CIZ1: variants seen among roughly 807,000 people sequenced by gnomAD.
CIZ1 encodes the protein cip1-interacting zinc finger protein.
In CIZ1, 58 loss-of-function variants were observed where a neutral mutation model predicts 118.6. The observed-to-expected ratio is 0.49, with a 90% CI of 0.40 to 0.61. CIZ1 has a LOEUF of 0.61. Ranked by LOEUF, CIZ1 falls within the 20% of genes least tolerant of loss-of-function variation. The pLI is 0.00. For synonymous variants in CIZ1, 448 were observed against 443.4 expected (o/e 1.01, Z -0.13); for missense variants, 921 against 1,115.9 (o/e 0.83, Z 2.49).
chr9:128,192,926 C>A (rs1833257975), upstream of CIZ1, among the ~76,000 whole-genome samples: 1 of 152,192 alleles, frequency 6.6e-6, no homozygotes, highest in African/African-American at 2.4e-5. Flanking sequence ...CTGCCTTCCG[C>A]GCCGACGTTG....
At chr9:128,199,911 C>T (rs1457187845) in intron 1 of CIZ1, 2 of 151,414 alleles carry the variant, frequency 1.3e-5, no homozygotes. Context: ...ACCTCAGCCT[C>T]TCGAGTACCT....
chr9:128,179,534 A>G (rs1490099929), intron 7 of CIZ1, 119 bp from the exon 8 acceptor site: 7 of 820,230 alleles, frequency 8.5e-6, no homozygotes, highest in Non-Finnish European at 1.1e-5. Flanking sequence ...GCACTTTGGG[A>G]GGCTGAGGCA....
At chr9:128,167,896 C>T (rs146203037) in intron 14 of CIZ1, among the ~76,000 whole-genome samples, 1 of 152,322 alleles carries the variant, frequency 6.6e-6, no homozygotes, top group East Asian at 1.9e-4. Flanking sequence ...AGTCCAAGTT[C>T]AGGTTGTTAC....
In CIZ1 at chr9:128,187,250, C is replaced by T. The variant is rs45516393; in HGVS notation, c.358+613G>A. ...GCCACCACATCCAGCTCCTTATCTG[C>T]TTTCTGCTTCACATCATCTAACTCA... is the stretch of plus-strand genomic sequence containing the variant. On this transcript the variant is annotated intron_variant, in intron 4 of 16. Transcript: ENST00000372938. Among the ~76,000 whole-genome samples, 661 of 152,290 alleles carry T rather than the reference C, an allele frequency of 4.3e-3. 5 individuals carry two copies. Among genetic ancestry groups the T allele is most frequent in the Middle Eastern group, 0.017 (5 of 294 alleles).
chr9:128,191,510 G>T lies in CIZ1; in HGVS notation c.-84C>A. 9.9e-7 allele frequency: 1 copy of T among 1,006,060 alleles called. No individual in the cohort carries two copies. Among genetic ancestry groups the T allele is most frequent in the African/African-American group, 1.7e-5 (1 of 58,168 alleles). 62.3% of individuals were successfully genotyped at this position (1,006,060 alleles called of 1,614,324 possible). A position where few individuals can be genotyped will look rare whatever the true frequency, so the allele number is the denominator to read the frequency against. On this transcript the variant is annotated 5_prime_UTR_variant, in exon 1 of 17. Transcript: ENST00000372938. This position sits in a 1 kb window ranked among gnomAD's most constrained non-coding sequence, Gnocchi z 5.5. ...CCCGCAGCCCCCACGCCTCGGCCGG[G>T]CGGCTCCGGCCCGCGGGCTCCCGGC...
chr9:128,187,846 T>A lies in CIZ1; in HGVS notation c.358+17A>T, dbSNP rs551622194. 2.9e-5 allele frequency: 19 copies of A among 655,430 alleles called. No homozygotes were observed. The Admixed American group carries it at 3.6e-4, about 13-fold the overall frequency. 40.6% of individuals were successfully genotyped at this position (655,430 alleles called of 1,614,324 possible). ...GTATATATACATTTATATATATATATAAAAAGCATATAATACCCAGTGTTG... is the reference window on the plus strand; with the variant it reads ...GTATATATACATTTATATATATATAAAAAAAGCATATAATACCCAGTGTTG... On this transcript the variant is annotated intron_variant, in intron 4 of 16. Coordinates refer to ENST00000372938, the MANE Select transcript of CIZ1 (RefSeq NM_001131016.2).
upstream of CIZ1, chr9:128,191,945 C>A: frequency 7.1e-7 from 1 of 1,415,328 alleles, no homozygotes; most frequent in Non-Finnish European, 9.3e-7. The surrounding 1 kb of genome is among the most constrained non-coding windows in gnomAD (Gnocchi z 5.5). Flanking sequence ...TACATTCATT[C>A]GAGGGACCCA....
At chr9:128,191,945 C>G (rs1156246354), upstream of CIZ1, 30 of 1,415,210 alleles carry the variant, frequency 2.1e-5, no homozygotes, top group Non-Finnish European at 2.6e-5. This position sits in a 1 kb window ranked among gnomAD's most constrained non-coding sequence, Gnocchi z 5.5. Context: ...TACATTCATT[C>G]GAGGGACCCA....
chr9:128,178,699 G>A lies in CIZ1; in HGVS notation c.1498+10C>T. 2 of 1,608,392 alleles carry A rather than the reference G, an allele frequency of 1.2e-6. No homozygotes were observed. The highest frequency in any genetic ancestry group is 2.2e-5 in the South Asian group (2 of 90,648). On this transcript the variant is annotated intron_variant, in intron 8 of 16. Coordinates refer to ENST00000372938, the MANE Select transcript of CIZ1 (RefSeq NM_001131016.2). ...ATCACCAGACCAGCTGGGAGCCAGT[G>A]CTCACTTACCTCCACCAGCTTCTAC...
upstream of CIZ1, among the ~76,000 whole-genome samples, chr9:128,192,366 C>CAAA (rs57931082): frequency 5.0e-4 from 70 of 139,506 alleles, no homozygotes; most frequent in African/African-American, 1.5e-3. Context: ...CAAGAGCTGT[C>CAAA]AAAAAAAAAA....
chr9:128,202,788 T>C (rs1050381155), intron 1 of CIZ1: 1 of 152,258 alleles, frequency 6.6e-6, no homozygotes, highest in Non-Finnish European at 1.5e-5. Flanking sequence ...TCTCCCCAGC[T>C]TGATGCAAGA....
chr9:128,169,943 A>T, intron 12 of CIZ1, 77 bp downstream of exon 12: 1 of 1,367,816 alleles, frequency 7.3e-7, no homozygotes, highest in Non-Finnish European at 1.0e-6. Context: ...TTTACTTTCC[A>T]ACTGGGGCTC....
intron 11 of CIZ1, among the ~76,000 whole-genome samples, chr9:128,170,918 G>C (rs1033794820): frequency 6.6e-6 from 1 of 151,944 alleles, no homozygotes; most frequent in Non-Finnish European, 1.5e-5. Context: ...TTGAGCCCAG[G>C]AGTTTGAGAC....
intron 11 of CIZ1, among the ~76,000 whole-genome samples, 184 bp downstream of exon 11, chr9:128,176,167 G>T (rs1278023532): frequency 6.6e-6 from 1 of 152,176 alleles, no homozygotes; most frequent in Non-Finnish European, 1.5e-5. Context: ...TACTATATCC[G>T]TCACCAAGCC....
intron 1 of CIZ1, chr9:128,196,869 TGA>T (rs1415502369): frequency 1.3e-5 from 2 of 152,240 alleles, no homozygotes; most frequent in African/African-American, 2.4e-5. Context: ...CTCAAAGTGC[TGA>T]GATTACAGGC....
At chr9:128,183,619 C>T (rs1831976831) in intron 5 of CIZ1, among the ~76,000 whole-genome samples, 1 of 152,232 alleles carries the variant, frequency 6.6e-6, no homozygotes, top group Non-Finnish European at 1.5e-5. Flanking sequence ...CCTGCTTATG[C>T]CAGGAGAAAG....
chr9:128,192,638 G>A (rs1167932778), upstream of CIZ1, among the ~76,000 whole-genome samples: 1 of 152,180 alleles, frequency 6.6e-6, no homozygotes, highest in Non-Finnish European at 1.5e-5. Flanking sequence ...CGCCTCCTGG[G>A]TTCAAGTGGT....
intron 11 of CIZ1, among the ~76,000 whole-genome samples, chr9:128,170,838 T>A (rs1330135928): frequency 6.6e-6 from 1 of 152,030 alleles, no homozygotes; most frequent in African/African-American, 2.4e-5. Context: ...AAAAACCATA[T>A]ACTTTAAAAA....
chr9:128,174,211 G>A (rs927538144), intron 11 of CIZ1, among the ~76,000 whole-genome samples: 1 of 152,166 alleles, frequency 6.6e-6, no homozygotes, highest in Non-Finnish European at 1.5e-5. Context: ...TGTGGTTTGG[G>A]TAGAGCTGGC....
Sources: allele counts gnomAD v4.1 joint callset (sites outside exome capture counted in the v4.1 genomes callset), GRCh38; gene constraint gnomAD v4.1.1; non-coding constraint Gnocchi (gnomAD v3.1); transcripts MANE v1.5; gene names NCBI Gene and HGNC (gene_info 2026-07-23, HGNC 2026-07-21).